Variants in MPRIP observed in about 807,000 individuals in gnomAD.
The protein encoded by MPRIP is myosin phosphatase Rho-interacting protein.
MPRIP carries 59 observed loss-of-function variants against 234.9 expected under a neutral mutation model. That is an observed-to-expected ratio of 0.25 (90% confidence interval 0.20 to 0.31). The LOEUF (loss-of-function observed/expected upper bound fraction) is 0.31. Among genes scored for constraint, MPRIP ranks in the 10% least tolerant of loss-of-function variants. MPRIP has a pLI of 1.00. For missense variants in MPRIP, 2,436 were observed against 3,071.0 expected, an observed-to-expected ratio of 0.79 and a Z score of 4.89; for synonymous variants, 1,144 against 1,263.9, an observed-to-expected ratio of 0.91 and a Z score of 2.01.
chr17:17,164,071 C>G (rs117993900), intron 15 of MPRIP, 38 bp from the exon 16 acceptor site: 20,448 of 1,282,074 alleles, frequency 0.016, 204 homozygotes, highest in Middle Eastern at 0.02. Flanking sequence ...CTGGGAGGCC[C>G]GAGTGTTACT....
In MPRIP at chr17:17,177,644, T is replaced by G. The variant is rs182948937; in HGVS notation, c.7120+232T>G. ...ATTGCTCTAGGGAGAACCCATAGTATCAGCATAATATTTTCGAAATAATAA... is the reference window on the plus strand; with the variant it reads ...ATTGCTCTAGGGAGAACCCATAGTAGCAGCATAATATTTTCGAAATAATAA... On this transcript the variant is annotated intron_variant, in intron 22 of 23. Coordinates refer to ENST00000651222, the MANE Select transcript of MPRIP (RefSeq NM_001364716.4). Among the ~76,000 whole-genome samples, 194 of 152,300 alleles carry G rather than the reference T, an allele frequency of 1.3e-3. 1 individual carries two copies. Among genetic ancestry groups the G allele is most frequent in the African/African-American group, 4.4e-3 (184 of 41,560 alleles).
chr17:17,160,472 G>T (rs139132628), intron 14 of MPRIP, among the ~76,000 whole-genome samples: 2 of 152,374 alleles, frequency 1.3e-5, no homozygotes, highest in East Asian at 3.9e-4. Context: ...GCTCCATTCA[G>T]CACGAGCTCT....
chr17:17,060,782 T>A (rs1490394839), intron 1 of MPRIP, among the ~76,000 whole-genome samples: 1 of 152,196 alleles, frequency 6.6e-6, no homozygotes, highest in East Asian at 1.9e-4. Flanking sequence ...GGGCTGTAGC[T>A]CCATCTTTAG....
rs2045952401 is a variant in MPRIP, at chr17:17,164,977, C to A, written c.3386C>A (p.Ala1129Asp). The A allele has an allele frequency of 7.7e-7, 1 of 1,302,758 alleles. No homozygotes were observed. Among genetic ancestry groups the A allele is most frequent in the Non-Finnish European group, 1.0e-6 (1 of 988,864 alleles). The allele number at this position is 1,302,758 out of a possible 1,614,324, so 80.7% of individuals were successfully genotyped here. ...GTGGCCACGTCCGACGAGGATGTGG[C>A]TGAGCTCCGGGAAAAGCTGAGGAGA... ...ERVATSDEDV[A>D]ELREKLRRRE... The change falls in exon 16 of 24, where the codon GCT (alanine) becomes GAT (aspartate). Residue 1129 changes from alanine (A) to aspartate (D), a missense_variant. Physicochemically the swap from Ala to Asp is moderately radical, Grantham distance 126. Coordinates refer to ENST00000651222, the MANE Select transcript of MPRIP (RefSeq NM_001364716.4).
chr17:17,150,869 C>T (rs1005868267), intron 12 of MPRIP, among the ~76,000 whole-genome samples: 3 of 151,886 alleles, frequency 2.0e-5, no homozygotes, highest in African/African-American at 7.3e-5. Flanking sequence ...TCCCCCAAGA[C>T]AGGGTCTCAC....
In MPRIP at chr17:17,075,768, A is replaced by G; in HGVS notation, c.182A>G (p.Asn61Ser). Residue 61 changes from asparagine (N) to serine (S), a missense_variant, in exon 2 of 24, where the codon AAC becomes AGC. Asn to Ser is a conservative substitution (Grantham distance 46). Around this residue, in one of 4 missense-constraint regions of MPRIP, gnomAD observed 140 missense variants for 207.3 expected, o/e 0.68. Coordinates refer to ENST00000651222, the MANE Select transcript of MPRIP (RefSeq NM_001364716.4). ...LLAPDGTDFD[N>S]PVHRSRKWQR... is the part of the protein sequence containing the mutation. ...GCTCCAGATGGGACCGACTTTGACA[A>G]CCCAGTGCACCGGTCTCGGGTAAGG... 1 of 1,613,916 alleles carries G rather than the reference A, an allele frequency of 6.2e-7. No individual in the cohort carries two copies. Among genetic ancestry groups the G allele is most frequent in the Non-Finnish European group, 8.5e-7 (1 of 1,179,974 alleles).
At position 17,187,867 on chromosome 17, in the gene MPRIP, C is replaced by T. The variant is rs1302020594; in HGVS notation, c.*2973C>T. Reference sequence around the variant, plus strand: ...CCAGCTACACAGTAGTGAGCTTTCCCAGCTTTACCGATGAGGAAGAAGTTC... The same window carrying T: ...CCAGCTACACAGTAGTGAGCTTTCCTAGCTTTACCGATGAGGAAGAAGTTC... On this transcript the variant is annotated 3_prime_UTR_variant, in exon 24 of 24. Transcript: ENST00000651222. 1 of 152,240 alleles carries T rather than the reference C, an allele frequency of 6.6e-6. No individual in the cohort carries two copies. The highest frequency in any genetic ancestry group is 2.4e-5 in the African/African-American group (1 of 41,462). The allele number at this position is 152,240 out of a possible 1,614,324, so 9.4% of individuals were successfully genotyped here.
chr17:17,069,281 C>T (rs11078368), intron 1 of MPRIP, among the ~76,000 whole-genome samples: 36,172 of 152,032 alleles, frequency 0.24, 7,913 homozygotes, highest in African/African-American at 0.57. Flanking sequence ...GGATGTATCA[C>T]TTTTAGTTTT....
chr17:17,073,126 T>C (rs896097415), intron 1 of MPRIP, among the ~76,000 whole-genome samples: 8 of 152,264 alleles, frequency 5.3e-5, no homozygotes, highest in African/African-American at 1.7e-4. Context: ...CAGCCACTCC[T>C]CTGCTCTCTA....
chr17:17,126,379 G>A (rs1376180499), intron 3 of MPRIP, among the ~76,000 whole-genome samples: 1 of 152,196 alleles, frequency 6.6e-6, no homozygotes, highest in Admixed American at 6.5e-5. Flanking sequence ...TGTGGGATCA[G>A]CAGCCCTTCT....
In MPRIP at chr17:17,184,886, A is replaced by G. The variant is rs371569028; in HGVS notation, c.7270A>G (p.Lys2424Glu). The G allele has an allele frequency of 1.8e-4, 289 of 1,611,150 alleles. 1 individual carries two copies. The highest frequency in any genetic ancestry group is 1.1e-3 in the South Asian group (103 of 90,976). ...GCTCTTTGAATCCAGGGACTTGAAG[A>G]AAGACTAGGTGTGTCCCATCCAAGT... ...LKLFESRDLK[K>E]D Residue 2424 changes from lysine (K) to glutamate (E), a missense_variant, in exon 24 of 24, where the codon AAA (lysine) becomes GAA (glutamate). This residue lies in a region of MPRIP where 1,998 missense variants were observed against 2,520.3 expected (regional missense o/e 0.79). Coordinates refer to ENST00000651222, the MANE Select transcript of MPRIP (RefSeq NM_001364716.4).
rs2089382383 is a variant in MPRIP at position 17,078,287 on chromosome 17, T to C, written c.267+211T>C. 6.6e-6 allele frequency among the ~76,000 whole-genome samples: 1 copy of C among 150,844 alleles called. No homozygotes were observed. The highest frequency in any genetic ancestry group is 6.6e-5 in the Admixed American group (1 of 15,234). On this transcript the variant is annotated intron_variant, in intron 3 of 23. Coordinates refer to ENST00000651222, the MANE Select transcript of MPRIP (RefSeq NM_001364716.4). This position sits in a 1 kb window ranked among gnomAD's most constrained non-coding sequence, Gnocchi z 4.3. ...GTTTGAAACATCATCTTCTGTGGTC[T>C]TGAGTGAGAGGAAGAAGTGAGGGAG...
chr17:17,125,575 A>G (rs964666796), intron 3 of MPRIP, among the ~76,000 whole-genome samples: 2 of 152,220 alleles, frequency 1.3e-5, no homozygotes, highest in Non-Finnish European at 2.9e-5. Context: ...GTGGAGGGAC[A>G]AGGAGGTTGC....
intron 15 of MPRIP, among the ~76,000 whole-genome samples, chr17:17,161,725 C>T (rs189734837): frequency 1.3e-5 from 2 of 152,274 alleles, no homozygotes; most frequent in East Asian, 1.9e-4. Flanking sequence ...TAATATTGGA[C>T]CTATTGTACA....
intron 1 of MPRIP, among the ~76,000 whole-genome samples, chr17:17,060,586 G>A (rs903572607): frequency 3.9e-5 from 6 of 152,214 alleles, no homozygotes; most frequent in African/African-American, 1.4e-4. Context: ...TATGCCCTAA[G>A]CCCTGGGGTC....
At chr17:17,177,899 T>C (rs1186628593) in intron 22 of MPRIP, among the ~76,000 whole-genome samples, 1 of 151,796 alleles carries the variant, frequency 6.6e-6, no homozygotes, top group Non-Finnish European at 1.5e-5. Context: ...GTTAACATTT[T>C]ATCAAGCATT....
chr17:17,068,166 T>C (rs2089097771), intron 1 of MPRIP, among the ~76,000 whole-genome samples: 1 of 152,188 alleles, frequency 6.6e-6, no homozygotes, highest in South Asian at 2.1e-4. Flanking sequence ...TTTTTGTTTT[T>C]TGAGATGAAG....
intron 15 of MPRIP, among the ~76,000 whole-genome samples, chr17:17,163,537 T>A (rs1167037888): frequency 6.6e-6 from 1 of 152,214 alleles, no homozygotes; most frequent in Non-Finnish European, 1.5e-5. Flanking sequence ...GATTAGTTCT[T>A]CCTGTTACTC....
intron 14 of MPRIP, among the ~76,000 whole-genome samples, chr17:17,160,949 C>T (rs936069482): frequency 6.6e-6 from 1 of 152,334 alleles, no homozygotes; most frequent in African/African-American, 2.4e-5. Context: ...ATGTTGGAAC[C>T]TTGAGCAGGT....
Sources: gnomAD v4.1 joint callset for allele counts (sites outside exome capture counted in the v4.1 genomes callset) on GRCh38, gnomAD v4.1.1 for gene constraint, gnomAD v4.1.1 regional missense constraint, Gnocchi (gnomAD v3.1) non-coding constraint, MANE v1.5 for transcripts, NCBI Gene and HGNC (gene_info 2026-07-23, HGNC 2026-07-21) for gene names.